SNX18: variants seen among roughly 807,000 people sequenced by gnomAD.
SNX18 encodes the protein sorting nexin 18.
Under a neutral mutation model 48.7 loss-of-function variants are expected in SNX18, and 35 were observed. The observed-to-expected ratio is 0.72, with a 90% CI of 0.55 to 0.95. The LOEUF (loss-of-function observed/expected upper bound fraction) is 0.95, where lower values mean the gene tolerates loss of function less well. SNX18 is among the 40% of genes least tolerant of loss of function. The probability of loss-of-function intolerance (pLI) is 0.00; values close to 1 mark genes in which losing one functional copy is unlikely to be tolerated. For synonymous variants in SNX18, 492 were observed against 384.7 expected (o/e 1.28, Z -3.26); for missense variants, 824 against 871.0 (o/e 0.95, Z 0.68).
chr5:54,608,126 G>A, the SNX18 span, among the ~76,000 whole-genome samples: 1 of 152,076 alleles, frequency 6.6e-6, no homozygotes, highest in South Asian at 2.1e-4. Flanking sequence ...ACCATTTTGT[G>A]TTCCTATCAG....
chr5:54,566,576 T>G, the SNX18 span, among the ~76,000 whole-genome samples: 1 of 152,216 alleles, frequency 6.6e-6, no homozygotes, highest in East Asian at 1.9e-4. Flanking sequence ...GAAGTTTATT[T>G]CTTCTTCATG....
At position 54,534,214 on chromosome 5, in the gene SNX18, TTAAA is replaced by T. The variant is rs539353233; in HGVS notation, c.1622-8961_1622-8958del. Among the ~76,000 whole-genome samples, 131 of 150,636 alleles carry T rather than the reference TTAAA, an allele frequency of 8.7e-4. 1 individual carries two copies. Among genetic ancestry groups the T allele is most frequent in the African/African-American group, 3.0e-3 (125 of 41,096 alleles). The stretch of plus-strand genomic sequence containing the variant: ...TTTTGGCACATTCATGATTTCAAAA[TTAAA>T]TAAGGTGCTTTCTTTTTTCTTTTTT... On this transcript the variant is annotated intron_variant, in intron 1 of 1. Coordinates refer to ENST00000381410, the MANE Select transcript of SNX18 (RefSeq NM_001102575.2).
the SNX18 span, among the ~76,000 whole-genome samples, chr5:54,619,274 G>C: frequency 6.6e-6 from 1 of 152,142 alleles, no homozygotes; most frequent in Non-Finnish European, 1.5e-5. Context: ...ACTTTGGGAA[G>C]CTGAGGTAGG....
rs758240285 is a variant in SNX18, at chr5:54,519,240, G to A, written c.1288G>A (p.Gly430Ser). The change falls in exon 1 of 2, where the codon GGC (glycine) becomes AGC (serine). Residue 430 changes from glycine to serine, a missense_variant. By Grantham distance (56) the Gly-to-Ser change is moderately conservative. Around this residue, in one of 3 missense-constraint regions of SNX18, gnomAD observed 443 missense variants for 503.6 expected, o/e 0.88. Coordinates refer to ENST00000381410, the MANE Select transcript of SNX18 (RefSeq NM_001102575.2). ...GCAGGAGGTGGAGAGCAAGATCGACGGCTTCAAGTGCTTCACCAAGAAGAT... is the reference window on the plus strand; with the variant it reads ...GCAGGAGGTGGAGAGCAAGATCGACAGCTTCAAGTGCTTCACCAAGAAGAT... ...DLQEVESKID[G>S]FKCFTKKMDD... The A allele has an allele frequency of 7.4e-6, 12 of 1,614,080 alleles. No homozygotes were observed. The highest frequency in any genetic ancestry group is 5.5e-5 in the South Asian group (5 of 91,082).
the SNX18 span, among the ~76,000 whole-genome samples, chr5:54,559,077 T>C: frequency 6.6e-5 from 10 of 152,004 alleles, no homozygotes; most frequent in Non-Finnish European, 1.3e-4. Flanking sequence ...TCAGAGATGA[T>C]GCAAACAAAT....
rs1414103407 is a variant in SNX18, at chr5:54,536,243, T to TA, written c.1622-6935dup. Among the ~76,000 whole-genome samples, 101 of 152,050 alleles carry TA rather than the reference T, an allele frequency of 6.6e-4. 2 individuals are homozygous for TA. Among genetic ancestry groups the TA allele is most frequent in the Admixed American group, 6.4e-3 (98 of 15,286 alleles). The stretch of plus-strand genomic sequence containing the variant: ...CTGTACTTCAAATTCATTTTTTTTT[T>TA]ATTATACTTTAAGTTCTAGGGTACA... On this transcript the variant is annotated intron_variant, in intron 1 of 1. Coordinates refer to ENST00000381410, the MANE Select transcript of SNX18 (RefSeq NM_001102575.2).
the SNX18 span, among the ~76,000 whole-genome samples, chr5:54,603,247 TA>T: frequency 0.23 from 34,995 of 149,606 alleles, 4,264 homozygotes; most frequent in Middle Eastern, 0.29. Context: ...TATATATATA[TA>T]TATTTTTTTA....
the SNX18 span, among the ~76,000 whole-genome samples, chr5:54,606,572 C>G: frequency 1.3e-5 from 2 of 152,178 alleles, no homozygotes; most frequent in African/African-American, 2.4e-5. Flanking sequence ...CGTCCCACCC[C>G]AGAGTGTCCT....
At chr5:54,629,042 C>G in the SNX18 span, among the ~76,000 whole-genome samples, 1 of 152,244 alleles carries the variant, frequency 6.6e-6, no homozygotes. Context: ...CAATGTCCAA[C>G]ATGGCCCCTG....
the SNX18 span, among the ~76,000 whole-genome samples, chr5:54,583,376 C>T: frequency 6.6e-6 from 1 of 152,212 alleles, no homozygotes; most frequent in Non-Finnish European, 1.5e-5. Flanking sequence ...AAGTTGGGCT[C>T]ATTTCAGATC....
chr5:54,554,010 C>T, the SNX18 span, among the ~76,000 whole-genome samples: 2 of 152,230 alleles, frequency 1.3e-5, no homozygotes, highest in African/African-American at 4.8e-5. Context: ...ACACTGGATT[C>T]GCTGTTCTGC....
At chr5:54,595,611 A>G in the SNX18 span, among the ~76,000 whole-genome samples, 1 of 152,218 alleles carries the variant, frequency 6.6e-6, no homozygotes, top group Non-Finnish European at 1.5e-5. Context: ...CTGACAGTGT[A>G]TAACATTCCC....
chr5:54,613,344 CG>C, the SNX18 span, among the ~76,000 whole-genome samples: 2 of 152,018 alleles, frequency 1.3e-5, no homozygotes, highest in African/African-American at 4.8e-5. Context: ...AAGGGCTTCT[CG>C]GTGCATCATC....
At chr5:54,643,401 A>C in the SNX18 span, among the ~76,000 whole-genome samples, 2 of 152,184 alleles carry the variant, frequency 1.3e-5, no homozygotes, top group Non-Finnish European at 2.9e-5. Flanking sequence ...AAACACATTC[A>C]ATTTATAGCA....
the SNX18 span, among the ~76,000 whole-genome samples, chr5:54,571,820 G>A: frequency 3.3e-5 from 5 of 152,172 alleles, no homozygotes; most frequent in Non-Finnish European, 5.9e-5. Context: ...GACTGCATGT[G>A]TGTTAGGGTG....
the SNX18 span, among the ~76,000 whole-genome samples, chr5:54,633,288 A>G: frequency 6.6e-6 from 1 of 152,140 alleles, no homozygotes; most frequent in Admixed American, 6.5e-5. Context: ...GAGAAGTTTG[A>G]GTTTTGTATC....
chr5:54,556,688 C>G, the SNX18 span, among the ~76,000 whole-genome samples: 2 of 152,070 alleles, frequency 1.3e-5, no homozygotes, highest in Non-Finnish European at 2.9e-5. Context: ...GGTTGGTATG[C>G]AGCTTACTGC....
chr5:54,634,842 C>A, the SNX18 span, among the ~76,000 whole-genome samples: 1 of 152,038 alleles, frequency 6.6e-6, no homozygotes, highest in Non-Finnish European at 1.5e-5. Context: ...GCGTCTTATT[C>A]ATAAAATAAG....
the SNX18 span, among the ~76,000 whole-genome samples, chr5:54,613,412 G>A: frequency 6.6e-6 from 1 of 152,078 alleles, no homozygotes; most frequent in South Asian, 2.1e-4. Context: ...GAGGGAAGGG[G>A]CTGAACTCAT....
Sources: allele counts gnomAD v4.1 joint callset (sites outside exome capture counted in the v4.1 genomes callset), GRCh38; gene constraint gnomAD v4.1.1; regional missense constraint gnomAD v4.1.1; transcripts MANE v1.5; gene names NCBI Gene and HGNC (gene_info 2026-07-23, HGNC 2026-07-21).